SSBP2: variants seen among roughly 807,000 people sequenced by gnomAD.
SSBP2 encodes single stranded DNA binding protein 2.
In SSBP2, 17 loss-of-function variants were observed where a neutral mutation model predicts 61.8. The ratio of observed to expected loss-of-function variants is 0.28; its 90% CI spans 0.19 to 0.41. The LOEUF is 0.41. Ranked by LOEUF, SSBP2 falls within the 10% of genes least tolerant of loss-of-function variation. The probability of loss-of-function intolerance (pLI) is 1.00; values close to 1 mark genes in which losing one functional copy is unlikely to be tolerated. For synonymous variants in SSBP2, 139 were observed against 141.3 expected (o/e 0.98, Z 0.12); for missense variants, 310 against 458.7 (o/e 0.68, Z 2.96).
At chr5:81,623,141 T>G (rs190707907) in intron 3 of SSBP2, among the ~76,000 whole-genome samples, 1 of 152,118 alleles carries the variant, frequency 6.6e-6, no homozygotes, top group African/African-American at 2.4e-5. Context: ...ACTTCAAAGA[T>G]CTTAAAACCG....
At chr5:81,483,196 T>A (rs1273509401) in intron 6 of SSBP2, among the ~76,000 whole-genome samples, 1 of 152,148 alleles carries the variant, frequency 6.6e-6, no homozygotes, top group Non-Finnish European at 1.5e-5. Flanking sequence ...AATTTTAATA[T>A]GAGAGTTACC....
intron 1 of SSBP2, among the ~76,000 whole-genome samples, chr5:81,733,348 C>G (rs1409798754): frequency 1.3e-5 from 2 of 151,858 alleles, no homozygotes; most frequent in South Asian, 2.1e-4. Flanking sequence ...ACTTATCTCT[C>G]TAACTTTCAA....
intron 1 of SSBP2, among the ~76,000 whole-genome samples, chr5:81,657,013 A>G (rs1581266687): frequency 6.6e-6 from 1 of 152,160 alleles, no homozygotes; most frequent in African/African-American, 2.4e-5. Context: ...TCCCACGCTC[A>G]TGGAATCATT....
intron 4 of SSBP2, among the ~76,000 whole-genome samples, chr5:81,609,145 G>A (rs1247546297): frequency 2.0e-5 from 3 of 152,110 alleles, no homozygotes. Flanking sequence ...GGAATTCAGG[G>A]ACTTCAGCAT....
intron 5 of SSBP2, among the ~76,000 whole-genome samples, chr5:81,509,162 G>A (rs1332254376): frequency 2.0e-5 from 3 of 152,140 alleles, no homozygotes; most frequent in Non-Finnish European, 4.4e-5. Context: ...TGGAGAATCT[G>A]AGTCTTTATC....
intron 1 of SSBP2, among the ~76,000 whole-genome samples, chr5:81,701,213 C>T (rs1179565932): frequency 6.6e-6 from 1 of 152,042 alleles, no homozygotes; most frequent in East Asian, 1.9e-4. Context: ...GTCTCAGAGA[C>T]AGGAAGAGAG....
intron 5 of SSBP2, among the ~76,000 whole-genome samples, chr5:81,507,514 T>C (rs1768270039): frequency 6.6e-6 from 1 of 152,104 alleles, no homozygotes; most frequent in East Asian, 1.9e-4. Flanking sequence ...AGTTCAAAAT[T>C]AGATATTAAC....
At chr5:81,496,151 T>C (rs1408880168) in intron 5 of SSBP2, among the ~76,000 whole-genome samples, 1 of 152,174 alleles carries the variant, frequency 6.6e-6, no homozygotes, top group Non-Finnish European at 1.5e-5. Flanking sequence ...CATGTGAAAG[T>C]AGCTTCCAAA....
intron 1 of SSBP2, among the ~76,000 whole-genome samples, chr5:81,699,854 CTTTT>C (rs3081889): frequency 0.014 from 1,727 of 124,826 alleles, 25 homozygotes; most frequent in African/African-American, 0.05. Context: ...AAATCAATTT[CTTTT>C]TTTTTTTTTT....
rs369791791 is a variant in SSBP2, at chr5:81,583,099, G to A, written c.282+32374C>T. Among the ~76,000 whole-genome samples, 15 of 152,064 alleles carry A rather than the reference G, an allele frequency of 9.9e-5. No homozygotes were observed. The East Asian group carries it at 2.3e-3, about 24-fold the overall frequency. ...AAAAATTAGCCAGGCATGGTGGTAT[G>A]TACCACCATGGGAAGTCTGAGGTAG... On this transcript the variant is annotated intron_variant, in intron 4 of 16. Coordinates refer to ENST00000320672, the MANE Select transcript of SSBP2 (RefSeq NM_012446.5).
chr5:81,692,681 A>C (rs1161045658), intron 1 of SSBP2, among the ~76,000 whole-genome samples: 1 of 152,224 alleles, frequency 6.6e-6, no homozygotes, highest in Non-Finnish European at 1.5e-5. Context: ...GAAACAGAAA[A>C]GAGAACACAG....
At chr5:81,635,573 G>C (rs1202567190) in intron 3 of SSBP2, among the ~76,000 whole-genome samples, 1 of 148,318 alleles carries the variant, frequency 6.7e-6, no homozygotes, top group Non-Finnish European at 1.5e-5. Context: ...CCACTTTGTA[G>C]AAAGCAATTT....
intron 1 of SSBP2, among the ~76,000 whole-genome samples, chr5:81,711,966 G>C (rs2153937938): frequency 6.6e-6 from 1 of 151,916 alleles, no homozygotes; most frequent in African/African-American, 2.4e-5. Context: ...CTAGCACTTA[G>C]TGCACAACTA....
chr5:81,452,752 T>C (rs186540091), intron 10 of SSBP2, among the ~76,000 whole-genome samples: 2 of 152,186 alleles, frequency 1.3e-5, no homozygotes, highest in South Asian at 2.1e-4. Context: ...TGTCTGATTA[T>C]AGGATTTGAA....
At chr5:81,592,776 T>A (rs985209515) in intron 4 of SSBP2, among the ~76,000 whole-genome samples, 1 of 152,194 alleles carries the variant, frequency 6.6e-6, no homozygotes, top group Non-Finnish European at 1.5e-5. Context: ...CTGCAGCTGA[T>A]GGTCCTGTCT....
At chr5:81,671,096 TCCACAACTCTAATA>T (rs1304826963) in intron 1 of SSBP2, among the ~76,000 whole-genome samples, 1 of 152,026 alleles carries the variant, frequency 6.6e-6, no homozygotes, top group East Asian at 1.9e-4. Context: ...AGACACAGGG[TCCACAACTCTAATA>T]CCACTGAAGG....
chr5:81,496,466 C>G (rs1767287859), intron 5 of SSBP2, among the ~76,000 whole-genome samples: 1 of 152,114 alleles, frequency 6.6e-6, no homozygotes, highest in African/African-American at 2.4e-5. Context: ...AGGTGTGAGC[C>G]ACAGCACCCG....
intron 3 of SSBP2, among the ~76,000 whole-genome samples, chr5:81,631,843 C>T (rs1416036612): frequency 6.6e-6 from 1 of 152,146 alleles, no homozygotes; most frequent in Non-Finnish European, 1.5e-5. Flanking sequence ...TTTGACTCAT[C>T]ATCATTTTAC....
intron 1 of SSBP2, among the ~76,000 whole-genome samples, chr5:81,664,882 T>C (rs1463818109): frequency 6.6e-6 from 1 of 152,110 alleles, no homozygotes; most frequent in Non-Finnish European, 1.5e-5. Flanking sequence ...GTTGTAGCAG[T>C]CTTATTTTCG....
Sources: allele counts gnomAD v4.1 joint callset (sites outside exome capture counted in the v4.1 genomes callset), GRCh38; gene constraint gnomAD v4.1.1; transcripts MANE v1.5; gene names NCBI Gene and HGNC (gene_info 2026-07-23, HGNC 2026-07-21).